DPYSL2: variants seen among roughly 807,000 people sequenced by gnomAD.
DPYSL2 encodes dihydropyrimidinase-related protein 2.
A neutral mutation model predicts 69.9 loss-of-function variants in DPYSL2; 13 were observed. The ratio of observed to expected loss-of-function variants is 0.19; its 90% CI spans 0.12 to 0.30. The LOEUF is 0.30. Ranked by LOEUF, DPYSL2 falls within the 10% of genes least tolerant of loss-of-function variation. DPYSL2 has a pLI of 1.00. For synonymous variants in DPYSL2, 326 were observed against 359.1 expected, an observed-to-expected ratio of 0.91 and a Z score of 1.04; for missense variants, 587 against 918.9, an observed-to-expected ratio of 0.64 and a Z score of 4.67.
At chr8:26,635,738 A>C (rs542647955) in intron 8 of DPYSL2, among the ~76,000 whole-genome samples, 1 of 151,236 alleles carries the variant, frequency 6.6e-6, no homozygotes, top group South Asian at 2.1e-4. Context: ...GCCTGTTGGG[A>C]TCTCTCCATC....
chr8:26,534,725 T>A (rs915030648), intron 1 of DPYSL2, among the ~76,000 whole-genome samples: 14 of 152,062 alleles, frequency 9.2e-5, no homozygotes, highest in Non-Finnish European at 1.9e-4. Context: ...CTTGAACTCC[T>A]GGGCTCAAGT....
At chr8:26,536,828 T>G (rs1299169898) in intron 1 of DPYSL2, among the ~76,000 whole-genome samples, 1 of 152,086 alleles carries the variant, frequency 6.6e-6, no homozygotes, top group Non-Finnish European at 1.5e-5. Flanking sequence ...CATTTGCAAA[T>G]TATAGAGAAA....
In DPYSL2 at chr8:26,653,499, T is replaced by A. The variant is rs1803321152; in HGVS notation, c.1942+102T>A. Reference sequence around the variant, plus strand: ...GAAAGGACACAGAAATAGAAGTGAATGATATTCCCTTTCTCTCCAACGTGA... The same window carrying A: ...GAAAGGACACAGAAATAGAAGTGAAAGATATTCCCTTTCTCTCCAACGTGA... On this transcript the variant is annotated intron_variant, in intron 13 of 13. Coordinates refer to ENST00000521913, the MANE Select transcript of DPYSL2 (RefSeq NM_001197293.3). This position sits in a 1 kb window ranked among gnomAD's most constrained non-coding sequence, Gnocchi z 5.7. 1.7e-6 allele frequency: 2 copies of A among 1,157,468 alleles called. No individual in the cohort carries two copies. The highest frequency in any genetic ancestry group is 2.5e-6 in the Non-Finnish European group (2 of 811,404). 71.7% of individuals were successfully genotyped at this position (1,157,468 alleles called of 1,614,324 possible). A position where few individuals can be genotyped will look rare whatever the true frequency, so the allele number is the denominator to read the frequency against.
intron 1 of DPYSL2, among the ~76,000 whole-genome samples, chr8:26,542,877 T>C (rs1585498606): frequency 6.6e-6 from 1 of 152,228 alleles, no homozygotes; most frequent in East Asian, 1.9e-4. Flanking sequence ...TCCAGTTTTA[T>C]TGGATTGAGA....
At position 26,657,438 on chromosome 8, in the gene DPYSL2, G is replaced by A. The variant is rs1803416906; in HGVS notation, c.*1732G>A. 1 of 152,552 alleles carries A rather than the reference G, an allele frequency of 6.6e-6. No homozygotes were observed. The highest frequency in any genetic ancestry group is 6.5e-5 in the Admixed American group (1 of 15,270). The allele number at this position is 152,552 out of a possible 1,614,324, so 9.4% of individuals were successfully genotyped here. A position where few individuals can be genotyped will look rare whatever the true frequency, so the allele number is the denominator to read the frequency against. The stretch of plus-strand genomic sequence containing the variant: ...TTTCTGAATACCAAATCTGCTTTTT[G>A]TAAAGCGTAAAAACATCACAAAGTA... On this transcript the variant is annotated 3_prime_UTR_variant, in exon 14 of 14. Transcript: ENST00000521913.
At chr8:26,566,056 C>A (rs572892616) in intron 1 of DPYSL2, among the ~76,000 whole-genome samples, 1 of 152,198 alleles carries the variant, frequency 6.6e-6, no homozygotes, top group Admixed American at 6.5e-5. Context: ...GTGGCCTCTG[C>A]TACATCTCAG....
rs796771378 is a variant in DPYSL2, at chr8:26,622,504, ATAT to A, written c.629-1637_629-1635del. ...TGTGTGTGTGTGTGTGTGTATATAT[ATAT>A]TTTTTTTTTTCTTGAGACAAGGCCT... is the stretch of plus-strand genomic sequence containing the variant. On this transcript the variant is annotated intron_variant, in intron 3 of 13. Coordinates refer to ENST00000521913, the MANE Select transcript of DPYSL2 (RefSeq NM_001197293.3). Among the ~76,000 whole-genome samples the A allele has an allele frequency of 6.5e-3, 452 of 69,820 alleles. 2 individuals are homozygous for A. The highest frequency in any genetic ancestry group is 0.026 in the African/African-American group (420 of 16,260). The allele number at this position is 69,820 out of a possible 152,430, so 45.8% of individuals were successfully genotyped here. A position where few individuals can be genotyped will look rare whatever the true frequency, so the allele number is the denominator to read the frequency against.
At chr8:26,632,625 G>A (rs1802804855) in intron 7 of DPYSL2, among the ~76,000 whole-genome samples, 1 of 152,170 alleles carries the variant, frequency 6.6e-6, no homozygotes, top group South Asian at 2.1e-4. Flanking sequence ...GATTGCTTGA[G>A]CCCAGGAGTT....
intron 3 of DPYSL2, chr8:26,623,917 T>G: frequency 5.7e-6 from 3 of 530,594 alleles, no homozygotes; most frequent in Non-Finnish European, 6.8e-6. Flanking sequence ...GGGCAGTGCA[T>G]GTGTGGTTTC....
At position 26,617,725 on chromosome 8, in the gene DPYSL2, G is replaced by A. The variant is rs1289422963; in HGVS notation, c.629-6418G>A. Among the ~76,000 whole-genome samples, 1 of 152,212 alleles carries A rather than the reference G, an allele frequency of 6.6e-6. No homozygotes were observed. The highest frequency in any genetic ancestry group is 2.4e-5 in the African/African-American group (1 of 41,446). The stretch of plus-strand genomic sequence containing the variant: ...ATGAACCTTGACGACATGATGCCAA[G>A]TGAAAGCAGACAGACGCACAAGACT... On this transcript the variant is annotated intron_variant, in intron 3 of 13. Transcript: ENST00000521913. This position sits in a 1 kb window ranked among gnomAD's most constrained non-coding sequence, Gnocchi z 4.7.
chr8:26,560,071 G>A lies in DPYSL2; in HGVS notation c.355-21898G>A, dbSNP rs566964729. Among the ~76,000 whole-genome samples the A allele has an allele frequency of 3.3e-5, 5 of 152,290 alleles. No individual in the cohort carries two copies. The South Asian group carries it at 1.0e-3, about 32-fold the overall frequency. On this transcript the variant is annotated intron_variant, in intron 1 of 13. Coordinates refer to ENST00000521913, the MANE Select transcript of DPYSL2 (RefSeq NM_001197293.3). The surrounding 1 kb of genome is among the most constrained non-coding windows in gnomAD (Gnocchi z 4.4). The stretch of plus-strand genomic sequence containing the variant: ...CAGCTCTGCCATGGCTAGTCCATGG[G>A]AGATAATCTGTTAAAAGAAATAATG...
At chr8:26,623,774 A>G (rs552307449) in intron 3 of DPYSL2, 8 of 201,994 alleles carry the variant, frequency 4.0e-5, no homozygotes, top group Non-Finnish European at 6.0e-5. Flanking sequence ...GGGGCGTCTC[A>G]TAAGCTGCTT....
At chr8:26,542,563 A>C (rs947565154) in intron 1 of DPYSL2, among the ~76,000 whole-genome samples, 2 of 152,016 alleles carry the variant, frequency 1.3e-5, no homozygotes, top group African/African-American at 4.8e-5. Context: ...TTCGGGCTAC[A>C]GGCATGTACC....
intron 1 of DPYSL2, among the ~76,000 whole-genome samples, chr8:26,528,814 G>A (rs1261075180): frequency 6.6e-6 from 1 of 152,154 alleles, no homozygotes; most frequent in African/African-American, 2.4e-5. Context: ...AGCCTTTATT[G>A]TGGTTTCAGG....
intron 1 of DPYSL2, among the ~76,000 whole-genome samples, chr8:26,524,052 T>C (rs73558550): frequency 0.019 from 2,904 of 152,342 alleles, 81 homozygotes; most frequent in African/African-American, 0.064. Context: ...GTGGAATTGC[T>C]AGATAATTTG....
In DPYSL2 at chr8:26,621,918, A is replaced by G. The variant is rs1802489701; in HGVS notation, c.629-2225A>G. ...GTAGACAGCTACTAAAGGATTTAAT[A>G]AGGGGAATGGCAGTGTTTGATGAAA... On this transcript the variant is annotated intron_variant, in intron 3 of 13. Transcript: ENST00000521913. This position sits in a 1 kb window ranked among gnomAD's most constrained non-coding sequence, Gnocchi z 4.9. Among the ~76,000 whole-genome samples the G allele has an allele frequency of 2.0e-5, 3 of 152,178 alleles. No homozygotes were observed. Among genetic ancestry groups the G allele is most frequent in the African/African-American group, 4.8e-5 (2 of 41,446 alleles).
At chr8:26,596,371 C>G (rs893670072) in intron 3 of DPYSL2, among the ~76,000 whole-genome samples, 1 of 152,204 alleles carries the variant, frequency 6.6e-6, no homozygotes, top group Non-Finnish European at 1.5e-5. Context: ...CAAACCAGGG[C>G]TGTCCTAGGC....
intron 8 of DPYSL2, among the ~76,000 whole-genome samples, chr8:26,638,651 G>A (rs1802972295): frequency 6.6e-6 from 1 of 152,206 alleles, no homozygotes; most frequent in African/African-American, 2.4e-5. Context: ...TTTGGCAGCT[G>A]AGGCAATGAA....
intron 1 of DPYSL2, chr8:26,578,192 C>G: frequency 6.2e-7 from 1 of 1,611,620 alleles, no homozygotes; most frequent in East Asian, 2.2e-5. Flanking sequence ...AACCCAAGTC[C>G]CCTTCCCGGC....
Sources: allele counts gnomAD v4.1 joint callset (sites outside exome capture counted in the v4.1 genomes callset), GRCh38; gene constraint gnomAD v4.1.1; non-coding constraint Gnocchi (gnomAD v3.1); transcripts MANE v1.5; gene names NCBI Gene and HGNC (gene_info 2026-07-23, HGNC 2026-07-21).